Variants in POLI observed in about 807,000 individuals in gnomAD.
POLI encodes RAD30 homolog B.
In POLI, 58 loss-of-function variants were observed where a neutral mutation model predicts 51.6. That is an observed-to-expected ratio of 1.12 (90% confidence interval 0.91 to 1.40). The LOEUF (loss-of-function observed/expected upper bound fraction) is 1.40, where lower values mean the gene tolerates loss of function less well. Among genes scored for constraint, POLI ranks in the 40% most tolerant of loss-of-function variants. POLI has a pLI of 0.00. For missense variants in POLI, 921 were observed against 871.3 expected, an observed-to-expected ratio of 1.06 and a Z score of -0.72; for synonymous variants, 322 against 299.7, an observed-to-expected ratio of 1.07 and a Z score of -0.77.
Position 54,273,945 on chromosome 18 carries a change from G to T in POLI, c.261G>T (p.Leu87Phe). 1 of 1,554,312 alleles carries T rather than the reference G, an allele frequency of 6.4e-7. No individual in the cohort carries two copies. The highest frequency in any genetic ancestry group is 1.2e-5 in the South Asian group (1 of 81,184). The part of the protein sequence containing the change: ...DKPLGVQQKY[L>F]VVTCNYEARK... Reference sequence around the variant, plus strand: ...TTACAGGGGTTCAACAGAAATATTTGGTGGTTACCTGCAACTATGAAGCTA... The same window carrying T: ...TTACAGGGGTTCAACAGAAATATTTTGTGGTTACCTGCAACTATGAAGCTA... Residue 87 changes from leucine (L) to phenylalanine (F), a missense_variant, in exon 3 of 10, where the codon TTG becomes TTT. Physicochemically the swap from Leu to Phe is conservative, Grantham distance 22 (BLOSUM62 0). Transcript: ENST00000579534.
chr18:54,290,654 A>G (rs2087964087), intron 8 of POLI, among the ~76,000 whole-genome samples: 1 of 152,172 alleles, frequency 6.6e-6, no homozygotes, highest in African/African-American at 2.4e-5. Context: ...CAGCCATAAA[A>G]AAGGATGAGT....
At position 54,274,060 on chromosome 18, in the gene POLI, CG is replaced by C; in HGVS notation, c.377del (p.Arg126ProfsTer32). 1 of 1,498,798 alleles carries C rather than the reference CG, an allele frequency of 6.7e-7. No individual in the cohort carries two copies. The highest frequency in any genetic ancestry group is 8.9e-7 in the Non-Finnish European group (1 of 1,120,306). 92.8% of individuals were successfully genotyped at this position (1,498,798 alleles called of 1,614,324 possible). ...LVLVNGEDLT[R>X]YREMSYKVTE... ...ATTAGTTAATGGAGAAGACCTGACC[CG>C]CTACAGAGAAATGTCTTATAAGGTT... On this transcript the variant is annotated frameshift_variant, in exon 3 of 10. Transcript: ENST00000579534. LOFTEE classifies it high-confidence loss of function.
intron 3 of POLI, among the ~76,000 whole-genome samples, chr18:54,276,203 T>C (rs1328099773): frequency 2.0e-5 from 3 of 151,200 alleles, no homozygotes; most frequent in Non-Finnish European, 4.4e-5. Context: ...ACCCTGTCTC[T>C]ACAAAAGTTA....
intron 7 of POLI, among the ~76,000 whole-genome samples, chr18:54,286,905 C>T (rs1208569514): frequency 6.6e-6 from 1 of 151,956 alleles, no homozygotes; most frequent in Non-Finnish European, 1.5e-5. Context: ...GATTGTGCCA[C>T]CACATTCCAG....
chr18:54,276,026 A>G (rs2087224224), intron 3 of POLI, among the ~76,000 whole-genome samples: 1 of 150,780 alleles, frequency 6.6e-6, no homozygotes, highest in African/African-American at 2.4e-5. Context: ...GGCCCTATAT[A>G]ATTATATGTT....
chr18:54,271,093 A>G lies in POLI; in HGVS notation c.116-267A>G, dbSNP rs527306264. The G allele has an allele frequency of 1.1e-5, 3 of 271,306 alleles. No individual in the cohort carries two copies. The East Asian group carries it at 2.2e-4, about 20-fold the overall frequency. 16.8% of individuals were successfully genotyped at this position (271,306 alleles called of 1,614,324 possible). On this transcript the variant is annotated intron_variant, in intron 1 of 9. Coordinates refer to ENST00000579534, the MANE Select transcript of POLI (RefSeq NM_007195.3). ...AGGTGATAGTATTAGCTCTTTCATC[A>G]TCCATTATTTATCACATTTTTTCCC...
Position 54,269,585 on chromosome 18 carries a change from C to T in POLI, c.39C>T (p.Gly13=), listed in dbSNP as rs567025138. The change falls in exon 1 of 10, where the codon GGC becomes GGT. Residue 13 remains glycine, a synonymous_variant. Coordinates refer to ENST00000579534, the MANE Select transcript of POLI (RefSeq NM_007195.3). The stretch of plus-strand genomic sequence containing the variant: ...GGGTGGAGCCGGAGGAGGAAGGCGG[C>T]GGCGACGACGACGAGGAAGACGCCG... ...KLGVEPEEEG[G]GDDDEEDAEA... is the part of the protein sequence containing the mutation. 2.7e-5 allele frequency: 38 copies of T among 1,413,812 alleles called. No individual in the cohort carries two copies. Among genetic ancestry groups the T allele is most frequent in the Non-Finnish European group, 3.3e-5 (36 of 1,096,912 alleles). The allele number at this position is 1,413,812 out of a possible 1,614,324, so 87.6% of individuals were successfully genotyped here. A position where few individuals can be genotyped will look rare whatever the true frequency, so the allele number is the denominator to read the frequency against.
At chr18:54,310,874 G>T (rs374001815) in intron 3 of POLI, among the ~76,000 whole-genome samples, 1 of 151,934 alleles carries the variant, frequency 6.6e-6, no homozygotes, top group Non-Finnish European at 1.5e-5. Context: ...AGGTTTGGCC[G>T]CCAGAAATGA....
exon 4 of POLI, chr18:54,320,325 A>G (rs1020916107): frequency 5.3e-5 from 8 of 152,212 alleles, no homozygotes; most frequent in African/African-American, 1.9e-4. Flanking sequence ...GAAGGCTGGA[A>G]GACAAACTTG....
At chr18:54,312,713 A>G (rs2144648152) in intron 3 of POLI, among the ~76,000 whole-genome samples, 1 of 152,196 alleles carries the variant, frequency 6.6e-6, no homozygotes, top group African/African-American at 2.4e-5. Flanking sequence ...ATTAGTGATA[A>G]GCATTTTTTT....
chr18:54,308,686 G>A (rs1314107762), intron 3 of POLI, among the ~76,000 whole-genome samples: 1 of 152,054 alleles, frequency 6.6e-6, no homozygotes, highest in African/African-American at 2.4e-5. Context: ...TTTCCAGCTG[G>A]GTTTCATTCT....
At chr18:54,317,707 T>TA (rs919856656) in intron 3 of POLI, among the ~76,000 whole-genome samples, 6 of 151,736 alleles carry the variant, frequency 4.0e-5, no homozygotes, top group Non-Finnish European at 7.4e-5. Flanking sequence ...TTACAAAAAT[T>TA]AAAAAAAATT....
At chr18:54,306,055 G>A (rs1009033003) in intron 3 of POLI, among the ~76,000 whole-genome samples, 1 of 152,070 alleles carries the variant, frequency 6.6e-6, no homozygotes, top group Non-Finnish European at 1.5e-5. Context: ...ACCGCACCCA[G>A]CCCCCTTTAT....
intron 5 of POLI, among the ~76,000 whole-genome samples, chr18:54,282,442 A>C (rs940099220): frequency 5.9e-5 from 9 of 152,140 alleles, no homozygotes; most frequent in Non-Finnish European, 1.2e-4. Context: ...CACTTTTCAC[A>C]GTTTCTATTA....
chr18:54,277,600 A>G (rs985778476), intron 3 of POLI, 103 bp from the exon 4 acceptor site: 4 of 694,588 alleles, frequency 5.8e-6, no homozygotes, highest in Non-Finnish European at 9.4e-6. Context: ...ATGTATATAA[A>G]ACCTTTAACA....
In POLI at chr18:54,303,716, T is replaced by C. The variant is rs138376829; in HGVS notation, c.333+16305T>C. 1.9e-3 allele frequency among the ~76,000 whole-genome samples: 285 copies of C among 152,196 alleles called. 6 individuals are homozygous for C. Among genetic ancestry groups the C allele is most frequent in the Admixed American group, 0.016 (245 of 15,268 alleles). ...CTCAAATCTTGGCAGACTGCAGGCA[T>C]GCATTCTCAGATGATACTTCCACCT... On this transcript the variant is annotated intron_variant, in intron 3 of 4. Coordinates refer to the POLI transcript ENST00000579823.
chr18:54,289,055 G>T (rs750617392), intron 8 of POLI, among the ~76,000 whole-genome samples: 1 of 151,962 alleles, frequency 6.6e-6, no homozygotes. Context: ...ATAATGTATT[G>T]TAGCAACTCT....
In POLI at chr18:54,283,959, C is replaced by A; in HGVS notation, c.1013C>A (p.Ser338Tyr). ...SEEDSFKKCS[S>Y]EVEAKNKIEE... is the part of the protein sequence containing the mutation. ...GAAGATTCATTTAAAAAATGTTCAT[C>A]TGAAGTTGAAGCTAAAAATAAGATT... is the stretch of plus-strand genomic sequence containing the variant. Residue 338 changes from serine (S) to tyrosine (Y), a missense_variant, in exon 7 of 10, where the codon TCT becomes TAT. Transcript: ENST00000579534. 2 of 1,469,924 alleles carry A rather than the reference C, an allele frequency of 1.4e-6. No homozygotes were observed. Among genetic ancestry groups the A allele is most frequent in the Non-Finnish European group, 1.9e-6 (2 of 1,058,340 alleles). The allele number at this position is 1,469,924 out of a possible 1,614,324, so 91.1% of individuals were successfully genotyped here.
At chr18:54,286,521 T>G (rs1349199859) in intron 7 of POLI, among the ~76,000 whole-genome samples, 1 of 152,126 alleles carries the variant, frequency 6.6e-6, no homozygotes, top group Non-Finnish European at 1.5e-5. Flanking sequence ...AATGTCATTT[T>G]GTAAAAAAAA....
Sources: gnomAD v4.1 joint callset for allele counts (sites outside exome capture counted in the v4.1 genomes callset) on GRCh38, gnomAD v4.1.1 for gene constraint, MANE v1.5 for transcripts, NCBI Gene and HGNC (gene_info 2026-07-23, HGNC 2026-07-21) for gene names.